The following KIF24 variants were observed in gnomAD, a reference collection of about 807,000 sequenced individuals.
The protein encoded by KIF24 is kinesin-like protein KIF24.
In KIF24, 81 loss-of-function variants were observed where a neutral mutation model predicts 118.9. That is an observed-to-expected ratio of 0.68 (90% confidence interval 0.57 to 0.82). The LOEUF (loss-of-function observed/expected upper bound fraction) is 0.82. Ranked by LOEUF, KIF24 falls within the 40% of genes least tolerant of loss-of-function variation. The probability of loss-of-function intolerance (pLI) is 0.00; values close to 1 mark genes in which losing one functional copy is unlikely to be tolerated. For missense variants in KIF24, 1,560 were observed against 1,661.6 expected, an observed-to-expected ratio of 0.94 and a Z score of 1.06; for synonymous variants, 599 against 610.0, an observed-to-expected ratio of 0.98 and a Z score of 0.27.
intron 3 of KIF24, among the ~76,000 whole-genome samples, chr9:34,298,784 G>A (rs1460502444): frequency 5.9e-5 from 9 of 152,006 alleles, no homozygotes; most frequent in Admixed American, 5.9e-4. Context: ...TCAGTGGTGA[G>A]GTAAAAAGCA....
In KIF24 at chr9:34,256,743, C is replaced by G; in HGVS notation, c.2864G>C (p.Gly955Ala). ...ATCCTTTCTGAGATCAAAGGAAGAG[C>G]CTCCACCTCTTTCCTGTCTATATAT... is the stretch of plus-strand genomic sequence containing the variant. ...DFIYRQERGG[G>A]SSFDLRKDAS... is the part of the protein sequence containing the mutation. The change falls in exon 11 of 13, where the codon GGC (glycine) becomes GCC (alanine). Residue 955 changes from glycine to alanine, a missense_variant. Around this residue, in one of 3 missense-constraint regions of KIF24, gnomAD observed 591 missense variants for 655.6 expected, o/e 0.90. Coordinates refer to ENST00000402558, the MANE Select transcript of KIF24 (RefSeq NM_194313.4). 1 of 1,613,984 alleles carries G rather than the reference C, an allele frequency of 6.2e-7. No homozygotes were observed. Among genetic ancestry groups the G allele is most frequent in the Non-Finnish European group, 8.5e-7 (1 of 1,179,890 alleles).
intron 1 of KIF24, among the ~76,000 whole-genome samples, chr9:34,325,869 G>C (rs1837656473): frequency 6.6e-6 from 1 of 152,192 alleles, no homozygotes; most frequent in South Asian, 2.1e-4. Context: ...AATTGTGACA[G>C]AGATGCTGGT....
Position 34,306,368 on chromosome 9 carries a change from G to A in KIF24, c.697C>T (p.Leu233=). 1 of 1,612,000 alleles carries A rather than the reference G, an allele frequency of 6.2e-7. No homozygotes were observed. The highest frequency in any genetic ancestry group is 1.1e-5 in the South Asian group (1 of 90,924). The change falls in exon 3 of 13, where the codon CTG becomes TTG. Residue 233 remains leucine, a synonymous_variant. Coordinates refer to ENST00000402558, the MANE Select transcript of KIF24 (RefSeq NM_194313.4). ...KIRVCVRKRP[L]GMREVRRGEI... is the part of the protein sequence containing the mutation. ...CCACGACGTACCTCCCTCATGCCCA[G>A]GGGGCGTTTTCGAACACAAACTCTG...
intron 9 of KIF24, among the ~76,000 whole-genome samples, chr9:34,262,673 A>ATGT (rs1563936609): frequency 4.2e-5 from 1 of 24,086 alleles, no homozygotes; most frequent in Non-Finnish European, 7.4e-5. Context: ...AAAAAAAAAA[A>ATGT]AAATATATAT....
chr9:34,264,669 T>C (rs1284554880), intron 8 of KIF24, among the ~76,000 whole-genome samples: 2 of 152,164 alleles, frequency 1.3e-5, no homozygotes, highest in South Asian at 2.1e-4. Context: ...GATTCTCCAC[T>C]GAGAACGAAC....
chr9:34,287,196 A>T (rs1160082037), intron 5 of KIF24, among the ~76,000 whole-genome samples: 1 of 152,238 alleles, frequency 6.6e-6, no homozygotes, highest in Non-Finnish European at 1.5e-5. Context: ...AGAAGACAGA[A>T]TGAAGAGATG....
chr9:34,308,486 G>C (rs1403442827), intron 2 of KIF24, among the ~76,000 whole-genome samples: 1 of 152,100 alleles, frequency 6.6e-6, no homozygotes, highest in East Asian at 1.9e-4. Context: ...GTTTAGCCAT[G>C]TTGGCCAGGC....
intron 8 of KIF24, among the ~76,000 whole-genome samples, chr9:34,268,442 C>T (rs1835374049): frequency 6.6e-6 from 1 of 151,890 alleles, no homozygotes; most frequent in South Asian, 2.1e-4. Context: ...AGGCGTGAGC[C>T]ACTGCGCCCA....
intron 1 of KIF24, among the ~76,000 whole-genome samples, chr9:34,324,533 G>C (rs551918669): frequency 2.0e-5 from 3 of 151,932 alleles, no homozygotes; most frequent in Non-Finnish European, 4.4e-5. Context: ...TTCATTACAC[G>C]TCTCATACCT....
At chr9:34,261,131 G>A (rs984206090) in intron 9 of KIF24, among the ~76,000 whole-genome samples, 3 of 152,182 alleles carry the variant, frequency 2.0e-5, no homozygotes, top group African/African-American at 7.2e-5. Context: ...TGTTTTTACA[G>A]GTTCTGCCCA....
chr9:34,318,464 G>A lies in KIF24; in HGVS notation c.-25-7093C>T. 2 of 761,244 alleles carry A rather than the reference G, an allele frequency of 2.6e-6. No individual in the cohort carries two copies. Among genetic ancestry groups the A allele is most frequent in the Admixed American group, 4.0e-5 (2 of 50,148 alleles). 47.2% of individuals were successfully genotyped at this position (761,244 alleles called of 1,614,324 possible). On this transcript the variant is annotated intron_variant, in intron 1 of 12. Transcript: ENST00000402558. This position sits in a 1 kb window ranked among gnomAD's most constrained non-coding sequence, Gnocchi z 4.9. ...CCTGGCGGTGGCCTTGGCGACCGAG[G>A]TGAAGAAACCTGCAGCCACAGCAGC...
chr9:34,320,199 G>A (rs1261260576), intron 1 of KIF24, among the ~76,000 whole-genome samples: 1 of 152,122 alleles, frequency 6.6e-6, no homozygotes, highest in African/African-American at 2.4e-5. Flanking sequence ...GTCAAGAATG[G>A]CGTCATGGGG....
Position 34,256,677 on chromosome 9 carries a change from A to C in KIF24, c.2930T>G (p.Leu977Trp). ...SEVSGENEGN[L>W]PSPEEDGFTI... ...GAAACCATCTTCCTCTGGGGATGGC[A>C]AGTTGCCCTCATTCTCCCCAGAAAC... The change falls in exon 11 of 13, where the codon TTG becomes TGG. Residue 977 changes from leucine to tryptophan, a missense_variant. Coordinates refer to ENST00000402558, the MANE Select transcript of KIF24 (RefSeq NM_194313.4). The C allele has an allele frequency of 6.2e-7, 1 of 1,613,932 alleles. No homozygotes were observed. The highest frequency in any genetic ancestry group is 1.3e-5 in the African/African-American group (1 of 75,042).
At chr9:34,299,022 A>T (rs1031463561) in intron 3 of KIF24, among the ~76,000 whole-genome samples, 6 of 152,114 alleles carry the variant, frequency 3.9e-5, no homozygotes, top group Non-Finnish European at 1.5e-5. Flanking sequence ...CCATGTTGGT[A>T]GGTACAACTA....
At chr9:34,265,258 AC>A (rs1284408698) in intron 8 of KIF24, among the ~76,000 whole-genome samples, 1 of 152,058 alleles carries the variant, frequency 6.6e-6, no homozygotes, top group African/African-American at 2.4e-5. Flanking sequence ...TGCCTTGAAT[AC>A]CTGGACTCAA....
intron 6 of KIF24, among the ~76,000 whole-genome samples, chr9:34,284,805 T>C (rs1312706133): frequency 6.6e-6 from 1 of 152,214 alleles, no homozygotes; most frequent in Non-Finnish European, 1.5e-5. Context: ...AGTAGCTGAT[T>C]ACAAGGGTGC....
chr9:34,323,993 CACT>C (rs1837598629), intron 1 of KIF24, among the ~76,000 whole-genome samples: 1 of 152,200 alleles, frequency 6.6e-6, no homozygotes, highest in South Asian at 2.1e-4. Flanking sequence ...AATTCTACAC[CACT>C]AGTTTTAACT....
chr9:34,332,275 GC>G (rs1475717381), upstream of KIF24, among the ~76,000 whole-genome samples: 2 of 152,156 alleles, frequency 1.3e-5, no homozygotes, highest in African/African-American at 4.8e-5. Context: ...CCTTGCATCC[GC>G]CTCCCTTCTG....
chr9:34,272,307 G>A (rs1835535922), intron 6 of KIF24, among the ~76,000 whole-genome samples: 1 of 152,192 alleles, frequency 6.6e-6, no homozygotes, highest in South Asian at 2.1e-4. Context: ...GGACATAAAT[G>A]TGCATTAAAG....
Sources: gnomAD v4.1 joint callset for allele counts (sites outside exome capture counted in the v4.1 genomes callset) on GRCh38, gnomAD v4.1.1 for gene constraint, gnomAD v4.1.1 regional missense constraint, Gnocchi (gnomAD v3.1) non-coding constraint, MANE v1.5 for transcripts, NCBI Gene and HGNC (gene_info 2026-07-23, HGNC 2026-07-21) for gene names.